Variants in NBEA observed in about 807,000 individuals in gnomAD.
NBEA encodes neurobeachin, also known as lysosomal-trafficking regulator 2.
NBEA carries 44 observed loss-of-function variants against 343.4 expected under a neutral mutation model. That is an observed-to-expected ratio of 0.13 (90% CI 0.10 to 0.16). The LOEUF is 0.16. Among genes scored for constraint, NBEA ranks in the 10% least tolerant of loss-of-function variants. NBEA has a pLI of 1.00. For missense variants in NBEA, 2,555 were observed against 3,631.3 expected, an observed-to-expected ratio of 0.70 and a Z score of 7.62; for synonymous variants, 1,175 against 1,238.7, an observed-to-expected ratio of 0.95 and a Z score of 1.08.
intron 35 of NBEA, among the ~76,000 whole-genome samples, chr13:35,293,341 A>T (rs2035917475): frequency 6.6e-6 from 1 of 152,042 alleles, no homozygotes; most frequent in African/African-American, 2.4e-5. Flanking sequence ...TTCCACAAAT[A>T]CCCAAAACAT....
chr13:35,653,229 A>G (rs1021572536), intron 53 of NBEA, among the ~76,000 whole-genome samples: 3 of 152,148 alleles, frequency 2.0e-5, no homozygotes, highest in African/African-American at 4.8e-5. Context: ...TTCTATCTGT[A>G]TCACTGGATG....
chr13:35,499,401 CTT>C (rs905263889), intron 41 of NBEA, among the ~76,000 whole-genome samples: 5 of 152,094 alleles, frequency 3.3e-5, no homozygotes, highest in African/African-American at 1.2e-4. Context: ...AGCTGCCACT[CTT>C]TGGCTTGGAG....
At chr13:35,036,476 A>G (rs564665871) in intron 1 of NBEA, among the ~76,000 whole-genome samples, 19 of 152,152 alleles carry the variant, frequency 1.2e-4, no homozygotes, top group African/African-American at 4.3e-4. Context: ...TTTTCTGTGT[A>G]CTTATATTAC....
At chr13:35,285,689 T>C (rs1056001483) in intron 34 of NBEA, among the ~76,000 whole-genome samples, 2 of 152,186 alleles carry the variant, frequency 1.3e-5, no homozygotes, top group Non-Finnish European at 1.5e-5. Flanking sequence ...GCTCAAGCTT[T>C]CAGTCGTGTA....
intron 49 of NBEA, among the ~76,000 whole-genome samples, chr13:35,643,808 A>G (rs2084084796): frequency 6.6e-6 from 1 of 152,188 alleles, no homozygotes; most frequent in Non-Finnish European, 1.5e-5. Context: ...CAACTACTTC[A>G]TTGTAACAAT....
At chr13:35,428,484 C>A (rs2044864026) in intron 38 of NBEA, among the ~76,000 whole-genome samples, 1 of 152,156 alleles carries the variant, frequency 6.6e-6, no homozygotes. Context: ...TCCCTCTGTT[C>A]CTTCTGTTCT....
chr13:35,112,967 A>G (rs2066292506), intron 13 of NBEA, among the ~76,000 whole-genome samples: 1 of 152,138 alleles, frequency 6.6e-6, no homozygotes, highest in Non-Finnish European at 1.5e-5. Context: ...GACCCCATTC[A>G]AATTTCACTA....
At chr13:35,083,596 C>A (rs2064549212) in intron 10 of NBEA, among the ~76,000 whole-genome samples, 1 of 152,082 alleles carries the variant, frequency 6.6e-6, no homozygotes, top group African/African-American at 2.4e-5. Context: ...CCTAAAAGAG[C>A]TCCTGAAGGA....
chr13:35,091,226 C>T (rs891197888), intron 10 of NBEA, among the ~76,000 whole-genome samples: 6 of 151,850 alleles, frequency 4.0e-5, no homozygotes, highest in Non-Finnish European at 8.8e-5. Flanking sequence ...CTGCCAGTGG[C>T]CCTGGATATG....
At chr13:34,991,974 GT>G (rs75151092) in intron 1 of NBEA, among the ~76,000 whole-genome samples, 8,120 of 134,512 alleles carry the variant, frequency 0.06, 261 homozygotes, top group Non-Finnish European at 0.074. Context: ...TCTTATGGTT[GT>G]TTTTTTTTTT....
intron 38 of NBEA, among the ~76,000 whole-genome samples, chr13:35,425,275 T>A (rs947725971): frequency 5.3e-5 from 8 of 152,324 alleles, no homozygotes; most frequent in Non-Finnish European, 1.2e-4. Context: ...CTTTCTCTTG[T>A]GGGCATTTAG....
chr13:35,436,627 A>G (rs1390057603), intron 39 of NBEA, among the ~76,000 whole-genome samples: 2 of 151,146 alleles, frequency 1.3e-5, no homozygotes, highest in African/African-American at 4.9e-5. Context: ...GGAGAATGGC[A>G]TGAGCCCGGG....
chr13:35,213,586 A>C (rs1240925572), intron 33 of NBEA, among the ~76,000 whole-genome samples: 1 of 146,968 alleles, frequency 6.8e-6, no homozygotes, highest in Non-Finnish European at 1.5e-5. Context: ...TGATTATCAT[A>C]TATTCCTACC....
chr13:35,470,436 T>C (rs984889290), intron 40 of NBEA, among the ~76,000 whole-genome samples: 1 of 152,178 alleles, frequency 6.6e-6, no homozygotes, highest in Non-Finnish European at 1.5e-5. Flanking sequence ...AAAGAAGTAA[T>C]TCACCATTTT....
intron 12 of NBEA, among the ~76,000 whole-genome samples, chr13:35,109,763 G>A (rs1313215436): frequency 6.6e-6 from 1 of 151,990 alleles, no homozygotes; most frequent in Non-Finnish European, 1.5e-5. Context: ...TATTATGACT[G>A]TAATCATTTT....
At chr13:35,432,619 T>G (rs1329891784) in intron 39 of NBEA, among the ~76,000 whole-genome samples, 1 of 152,142 alleles carries the variant, frequency 6.6e-6, no homozygotes, top group East Asian at 1.9e-4. Context: ...TTTTAAGAGC[T>G]AAATGGACTT....
chr13:35,155,896 A>T, intron 19 of NBEA, 41 bp downstream of exon 19: 1 of 1,554,448 alleles, frequency 6.4e-7, no homozygotes, highest in Non-Finnish European at 8.9e-7. Context: ...TGGTAGGCGC[A>T]TGGCAACATA....
intron 4 of NBEA, among the ~76,000 whole-genome samples, chr13:35,047,428 T>C (rs2062901019): frequency 6.6e-6 from 1 of 151,954 alleles, no homozygotes; most frequent in South Asian, 2.1e-4. Flanking sequence ...AACAAAACTA[T>C]GGGAACACAA....
At chr13:35,305,541 A>G (rs2036833602) in intron 35 of NBEA, among the ~76,000 whole-genome samples, 1 of 152,134 alleles carries the variant, frequency 6.6e-6, no homozygotes, top group African/African-American at 2.4e-5. Context: ...GCAAAGGGAC[A>G]TGTGTTACTT....
Sources: allele counts gnomAD v4.1 joint callset (sites outside exome capture counted in the v4.1 genomes callset), GRCh38; gene constraint gnomAD v4.1.1; transcripts MANE v1.5; gene names NCBI Gene and HGNC (gene_info 2026-07-23, HGNC 2026-07-21).